The following PTPRD variants were observed in gnomAD, a reference collection of about 807,000 sequenced individuals.
The protein encoded by PTPRD is protein tyrosine phosphatase receptor type D.
A neutral mutation model predicts 214.5 loss-of-function variants in PTPRD; 34 were observed. That is an observed-to-expected ratio of 0.16 (90% CI 0.12 to 0.21). PTPRD has a LOEUF of 0.21. Among genes scored for constraint, PTPRD ranks in the 10% least tolerant of loss-of-function variants. The pLI is 1.00. For missense variants in PTPRD, 2,545 were observed against 2,398.7 expected, an observed-to-expected ratio of 1.06 and a Z score of -1.27; for synonymous variants, 1,128 against 845.7, an observed-to-expected ratio of 1.33 and a Z score of -5.79.
rs558407554 is a variant in PTPRD at position 8,555,988 on chromosome 9, A to G, written c.353-27209T>C. The stretch of plus-strand genomic sequence containing the variant: ...TTCATTTCTCTGATGTGGAACAAGG[A>G]CAGATGGATGTAAAAAATGTGTCTT... On this transcript the variant is annotated intron_variant, in intron 14 of 45. Transcript: ENST00000381196. Among the ~76,000 whole-genome samples the G allele has an allele frequency of 7.9e-5, 12 of 152,304 alleles. No individual in the cohort carries two copies. In the South Asian group the frequency reaches 2.5e-3, roughly 32 times the overall value.
At chr9:9,234,867 T>C (rs1009269766) in intron 9 of PTPRD, among the ~76,000 whole-genome samples, 2 of 152,186 alleles carry the variant, frequency 1.3e-5, no homozygotes, top group Non-Finnish European at 2.9e-5. Context: ...TCCTACATCT[T>C]CCTTTCTTCT....
chr9:9,969,361 T>G (rs554455736), intron 4 of PTPRD, among the ~76,000 whole-genome samples: 61 of 152,250 alleles, frequency 4.0e-4, no homozygotes, highest in South Asian at 3.3e-3. Flanking sequence ...AACTTCCTCT[T>G]CTTCCTACTC....
rs1432937501 is a variant in PTPRD, at chr9:8,376,163, G to C, written c.4507-73C>G. The C allele has an allele frequency of 5.2e-6, 8 of 1,545,176 alleles. No homozygotes were observed. In the Admixed American group the frequency reaches 1.4e-4, roughly 27 times the overall value. On this transcript the variant is annotated intron_variant, in intron 38 of 45. Transcript: ENST00000381196. Reference sequence around the variant, plus strand: ...TGGTAATGATGAATAACAGGGAAGAGGTAATGCTAAAATGTGCTATTTTAA... The same window carrying C: ...TGGTAATGATGAATAACAGGGAAGACGTAATGCTAAAATGTGCTATTTTAA...
intron 5 of PTPRD, among the ~76,000 whole-genome samples, chr9:9,795,682 T>G (rs966275594): frequency 6.6e-6 from 1 of 152,172 alleles, no homozygotes; most frequent in Non-Finnish European, 1.5e-5. Flanking sequence ...TATTTCTTTG[T>G]GGTAGGACAA....
intron 32 of PTPRD, among the ~76,000 whole-genome samples, chr9:8,464,075 C>G (rs185199632): frequency 4.6e-5 from 7 of 151,950 alleles, no homozygotes; most frequent in Admixed American, 2.0e-4. Flanking sequence ...AAGAAAGGGG[C>G]AGACTCTTTA....
At chr9:9,045,490 T>C (rs1346546781) in intron 10 of PTPRD, among the ~76,000 whole-genome samples, 3 of 152,152 alleles carry the variant, frequency 2.0e-5, no homozygotes, top group Non-Finnish European at 4.4e-5. Flanking sequence ...AAGACCTCAG[T>C]GCAGCCTGTT....
chr9:8,746,841 A>G (rs1212855168), intron 11 of PTPRD, among the ~76,000 whole-genome samples: 1 of 152,140 alleles, frequency 6.6e-6, no homozygotes, highest in Non-Finnish European at 1.5e-5. Flanking sequence ...AAACAAACAA[A>G]CAAAATTTAT....
At chr9:10,348,975 A>G (rs2097136628) in intron 2 of PTPRD, among the ~76,000 whole-genome samples, 1 of 152,028 alleles carries the variant, frequency 6.6e-6, no homozygotes, top group African/African-American at 2.4e-5. Flanking sequence ...TGATCAACCT[A>G]TCAATTATCT....
intron 8 of PTPRD, among the ~76,000 whole-genome samples, chr9:9,548,405 C>CTTTTTTTT (rs1157663823): frequency 5.1e-5 from 6 of 118,536 alleles, no homozygotes; most frequent in Admixed American, 9.2e-5. Context: ...GACTTTTTTT[C>CTTTTTTTT]TTTTTTTTTT....
chr9:9,916,466 A>T, intron 5 of PTPRD, among the ~76,000 whole-genome samples: 1 of 152,120 alleles, frequency 6.6e-6, no homozygotes. Flanking sequence ...ATGTAAATAA[A>T]CTAAATCCCC....
At chr9:8,747,259 C>A (rs2154456871) in intron 11 of PTPRD, among the ~76,000 whole-genome samples, 1 of 152,148 alleles carries the variant, frequency 6.6e-6, no homozygotes, top group Non-Finnish European at 1.5e-5. Context: ...TCACTAATAG[C>A]CCTCACTCAG....
At chr9:8,319,037 T>C (rs1419326609) in intron 45 of PTPRD, among the ~76,000 whole-genome samples, 1 of 152,118 alleles carries the variant, frequency 6.6e-6, no homozygotes, top group Admixed American at 6.6e-5. Context: ...TAAGGCTTTT[T>C]AAATGTCCAA....
At chr9:9,612,432 G>A (rs927819722) in intron 7 of PTPRD, among the ~76,000 whole-genome samples, 25 of 152,176 alleles carry the variant, frequency 1.6e-4, no homozygotes, top group Non-Finnish European at 2.1e-4. Flanking sequence ...AACTGTGATA[G>A]GCTCCATCTG....
At chr9:8,667,040 T>A (rs1441259690) in intron 12 of PTPRD, among the ~76,000 whole-genome samples, 1 of 152,126 alleles carries the variant, frequency 6.6e-6, no homozygotes, top group African/African-American at 2.4e-5. Context: ...GAGGGCCAGT[T>A]TGAAACAAAA....
chr9:8,680,625 TAC>T (rs969572507), intron 12 of PTPRD, among the ~76,000 whole-genome samples: 7 of 152,178 alleles, frequency 4.6e-5, no homozygotes, highest in African/African-American at 1.7e-4. Flanking sequence ...ATATTAAATA[TAC>T]ACACACAGCT....
intron 13 of PTPRD, among the ~76,000 whole-genome samples, chr9:8,636,367 G>A (rs1218712193): frequency 6.6e-6 from 1 of 152,144 alleles, no homozygotes. Flanking sequence ...TGGGATGAGA[G>A]GCTTCTGGAA....
rs2097879144 is a variant in PTPRD at position 10,384,517 on chromosome 9, A to G, written c.-599-43500T>C. On this transcript the variant is annotated intron_variant, in intron 2 of 45. Coordinates refer to ENST00000381196, the MANE Select transcript of PTPRD (RefSeq NM_002839.4). The stretch of plus-strand genomic sequence containing the variant: ...AATATATTGAAGTACAATTGGAAGG[A>G]AAATACCAAGAACTTTACATGTCTG... Among the ~76,000 whole-genome samples the G allele has an allele frequency of 2.0e-5, 3 of 151,912 alleles. No homozygotes were observed. In the South Asian group the frequency reaches 6.2e-4, roughly 31 times the overall value.
intron 4 of PTPRD, among the ~76,000 whole-genome samples, chr9:10,017,928 T>A (rs1292800051): frequency 6.6e-6 from 1 of 152,088 alleles, no homozygotes; most frequent in African/African-American, 2.4e-5. Context: ...TCAAATGAAG[T>A]CCCAGAACAG....
intron 9 of PTPRD, among the ~76,000 whole-genome samples, chr9:9,353,009 C>T (rs1321585634): frequency 6.6e-6 from 1 of 151,828 alleles, no homozygotes; most frequent in Non-Finnish European, 1.5e-5. Context: ...TTCTTATTTT[C>T]AATGATAAAA....
Sources: allele counts gnomAD v4.1 joint callset (sites outside exome capture counted in the v4.1 genomes callset), GRCh38; gene constraint gnomAD v4.1.1; transcripts MANE v1.5; gene names NCBI Gene and HGNC (gene_info 2026-07-23, HGNC 2026-07-21).